SLC44A5: variants seen among roughly 807,000 people sequenced by gnomAD.
The protein encoded by SLC44A5 is solute carrier family 44 member 5, also known as choline transporter-like protein 5.
SLC44A5 carries 57 observed loss-of-function variants against 101.8 expected under a neutral mutation model. The observed-to-expected ratio is 0.56, with a 90% CI of 0.45 to 0.70. The LOEUF is 0.70. Ranked by LOEUF, SLC44A5 falls within the 30% of genes least tolerant of loss-of-function variation. The pLI, the probability that SLC44A5 is intolerant of heterozygous loss-of-function variation, is 0.00. For synonymous variants in SLC44A5, 281 were observed against 290.9 expected (o/e 0.97, Z 0.35); for missense variants, 737 against 853.1 (o/e 0.86, Z 1.70).
At chr1:75,569,124 A>C (rs1274365592) in intron 1 of SLC44A5, among the ~76,000 whole-genome samples, 1 of 151,994 alleles carries the variant, frequency 6.6e-6, no homozygotes, top group Non-Finnish European at 1.5e-5. Flanking sequence ...TTTATCTTCA[A>C]ATTGACTTCC....
At chr1:75,320,930 A>G (rs1209881267) in intron 4 of SLC44A5, among the ~76,000 whole-genome samples, 2 of 152,180 alleles carry the variant, frequency 1.3e-5, no homozygotes, top group African/African-American at 4.8e-5. Context: ...AAATCATGCC[A>G]GGACTCTAAG....
At chr1:75,641,304 G>A in the SLC44A5 span, 1 of 656,992 alleles carries the variant, frequency 1.5e-6, no homozygotes, top group South Asian at 1.7e-5. Context: ...ATAGGCTTCA[G>A]ACTGCCAAAG....
intron 1 of SLC44A5, among the ~76,000 whole-genome samples, chr1:75,545,989 A>G (rs180911826): frequency 1.3e-5 from 2 of 151,886 alleles, no homozygotes; most frequent in Admixed American, 1.3e-4. Context: ...CACCACACCA[A>G]GCTAATTTTT....
At chr1:75,292,453 C>A (rs596515) in intron 5 of SLC44A5, among the ~76,000 whole-genome samples, 126,588 of 152,192 alleles carry the variant, frequency 0.83, 52,924 homozygotes, top group East Asian at 0.97. Flanking sequence ...ATATTGCCTA[C>A]AATAATTTTA....
chr1:75,690,333 A>C, the SLC44A5 span, among the ~76,000 whole-genome samples: 1 of 152,038 alleles, frequency 6.6e-6, no homozygotes, highest in African/African-American at 2.4e-5. Context: ...ACTCCCCCCA[A>C]TATCACAAGA....
the SLC44A5 span, among the ~76,000 whole-genome samples, chr1:75,633,756 T>C: frequency 1.3e-5 from 2 of 151,968 alleles, no homozygotes; most frequent in Non-Finnish European, 2.9e-5. Context: ...TCCAACACTA[T>C]GTTGAATAGG....
At chr1:75,678,111 T>G in the SLC44A5 span, among the ~76,000 whole-genome samples, 1 of 152,088 alleles carries the variant, frequency 6.6e-6, no homozygotes, top group African/African-American at 2.4e-5. Context: ...CGGAGGGTCC[T>G]ACCCCACGGA....
intron 1 of SLC44A5, among the ~76,000 whole-genome samples, chr1:75,555,452 A>C (rs1570603078): frequency 6.6e-6 from 1 of 151,920 alleles, no homozygotes; most frequent in South Asian, 2.1e-4. Context: ...AAATTGACTA[A>C]AAAAAAGAGC....
At chr1:75,279,775 T>A (rs1410329135) in intron 5 of SLC44A5, among the ~76,000 whole-genome samples, 1 of 44,058 alleles carries the variant, frequency 2.3e-5, no homozygotes, top group Non-Finnish European at 3.9e-5. Flanking sequence ...TATTTTTATT[T>A]CAGGGTTTTG....
chr1:75,276,195 C>G (rs976802978), intron 5 of SLC44A5, among the ~76,000 whole-genome samples: 13 of 152,156 alleles, frequency 8.5e-5, no homozygotes, highest in Non-Finnish European at 1.6e-4. Context: ...CTAATACCTT[C>G]TTATTAAATC....
chr1:75,466,041 T>C (rs1345642646), intron 2 of SLC44A5, among the ~76,000 whole-genome samples: 1 of 152,172 alleles, frequency 6.6e-6, no homozygotes, highest in Non-Finnish European at 1.5e-5. Context: ...CCAGTATTAC[T>C]CTTATATCCA....
chr1:75,476,949 C>T (rs561936055), intron 2 of SLC44A5, among the ~76,000 whole-genome samples: 3 of 152,354 alleles, frequency 2.0e-5, no homozygotes, highest in South Asian at 4.1e-4. Context: ...AGACTGTCTC[C>T]TCAAGTGGGT....
At chr1:75,691,789 T>C in the SLC44A5 span, among the ~76,000 whole-genome samples, 1 of 152,218 alleles carries the variant, frequency 6.6e-6, no homozygotes, top group African/African-American at 2.4e-5. Context: ...TGTCTTTACA[T>C]GGCAGAGAGA....
intron 3 of SLC44A5, among the ~76,000 whole-genome samples, chr1:75,377,226 C>A (rs1454321067): frequency 7.4e-6 from 1 of 135,618 alleles, no homozygotes; most frequent in Non-Finnish European, 1.6e-5. Flanking sequence ...CCCCCAACCC[C>A]GTGCTCTCTG....
chr1:75,431,549 T>C (rs1427500374), intron 2 of SLC44A5, among the ~76,000 whole-genome samples: 1 of 152,326 alleles, frequency 6.6e-6, no homozygotes, highest in East Asian at 1.9e-4. Flanking sequence ...AACAGACTCA[T>C]ATGTGACCTT....
intron 3 of SLC44A5, among the ~76,000 whole-genome samples, chr1:75,387,903 C>A (rs1661489894): frequency 6.8e-6 from 1 of 147,284 alleles, no homozygotes; most frequent in South Asian, 2.2e-4. Flanking sequence ...GAATTCATGT[C>A]CTTTGTAGGG....
At chr1:75,437,020 T>C (rs1430283995) in intron 2 of SLC44A5, among the ~76,000 whole-genome samples, 1 of 152,154 alleles carries the variant, frequency 6.6e-6, no homozygotes, top group Non-Finnish European at 1.5e-5. Flanking sequence ...GGAGCTGTCA[T>C]CTTCTATGAT....
At chr1:75,384,697 C>A (rs1274037159) in intron 3 of SLC44A5, among the ~76,000 whole-genome samples, 4 of 123,454 alleles carry the variant, frequency 3.2e-5, no homozygotes, top group Non-Finnish European at 6.7e-5. Flanking sequence ...CAGCTCTGCA[C>A]CAAGCGGACC....
At chr1:75,333,372 T>C (rs1390348287) in intron 4 of SLC44A5, among the ~76,000 whole-genome samples, 1 of 152,142 alleles carries the variant, frequency 6.6e-6, no homozygotes, top group African/African-American at 2.4e-5. Flanking sequence ...CGTGACTCTT[T>C]TCCACAGAAA....
Sources: allele counts gnomAD v4.1 joint callset (sites outside exome capture counted in the v4.1 genomes callset), GRCh38; gene constraint gnomAD v4.1.1; transcripts MANE v1.5; gene names NCBI Gene and HGNC (gene_info 2026-07-23, HGNC 2026-07-21).